Variants in GOLM1 observed in about 807,000 individuals in gnomAD.
GOLM1 encodes the protein epididymis luminal protein 46.
GOLM1 carries 31 observed loss-of-function variants against 50.5 expected under a neutral mutation model. That is an observed-to-expected ratio of 0.61 (90% CI 0.46 to 0.83). The LOEUF (loss-of-function observed/expected upper bound fraction) is 0.83, where lower values mean the gene tolerates loss of function less well. Ranked by LOEUF, GOLM1 falls within the 40% of genes least tolerant of loss-of-function variation. The pLI, the probability that GOLM1 is intolerant of heterozygous loss-of-function variation, is 0.00. For synonymous variants in GOLM1, 178 were observed against 192.8 expected, an observed-to-expected ratio of 0.92 and a Z score of 0.64; for missense variants, 491 against 501.3, an observed-to-expected ratio of 0.98 and a Z score of 0.20.
intron 3 of GOLM1, among the ~76,000 whole-genome samples, chr9:86,070,088 T>G (rs1834404786): frequency 6.6e-6 from 1 of 151,848 alleles, no homozygotes; most frequent in Non-Finnish European, 1.5e-5. Context: ...TTTCACCATG[T>G]TGGCGAGGCT....
intron 4 of GOLM1, among the ~76,000 whole-genome samples, chr9:86,048,509 A>G (rs917904052): frequency 3.3e-5 from 5 of 152,076 alleles, no homozygotes; most frequent in African/African-American, 4.8e-5. Context: ...AAGCATTCCT[A>G]TTTCTCCACA....
chr9:86,039,679 C>T (rs1833268035), intron 6 of GOLM1, among the ~76,000 whole-genome samples: 1 of 152,056 alleles, frequency 6.6e-6, no homozygotes, highest in African/African-American at 2.4e-5. Context: ...GTCAAAGATA[C>T]CAGACAGTCC....
intron 1 of GOLM1, among the ~76,000 whole-genome samples, chr9:86,094,311 T>G (rs1835284766): frequency 6.6e-6 from 1 of 152,164 alleles, no homozygotes; most frequent in African/African-American, 2.4e-5. Flanking sequence ...GATTAAACAT[T>G]TACCATCTGA....
At chr9:86,097,455 ATTTTT>A (rs879761880) in intron 1 of GOLM1, among the ~76,000 whole-genome samples, 3 of 150,002 alleles carry the variant, frequency 2.0e-5, no homozygotes, top group Non-Finnish European at 3.0e-5. Flanking sequence ...AGGGCAACTT[ATTTTT>A]TTTTTATTTC....
At chr9:86,075,371 C>T (rs1045219890) in intron 3 of GOLM1, among the ~76,000 whole-genome samples, 1 of 152,244 alleles carries the variant, frequency 6.6e-6, no homozygotes, top group Non-Finnish European at 1.5e-5. Context: ...GCCTCGACTG[C>T]CGTTGGTACA....
intron 6 of GOLM1, among the ~76,000 whole-genome samples, chr9:86,038,276 T>G (rs1467786258): frequency 6.6e-6 from 1 of 152,102 alleles, no homozygotes; most frequent in Non-Finnish European, 1.5e-5. Context: ...AGAAAGGCTC[T>G]CAGTGAACAT....
chr9:86,081,923 C>T (rs934163720), intron 1 of GOLM1, among the ~76,000 whole-genome samples: 1 of 151,608 alleles, frequency 6.6e-6, no homozygotes, highest in Admixed American at 6.6e-5. Context: ...ATTACATCCC[C>T]CTCATCCTAC....
At chr9:86,077,621 T>TG (rs772832468) in intron 2 of GOLM1, 30 bp from the exon 3 acceptor site, 1 of 1,575,518 alleles carries the variant, frequency 6.3e-7, no homozygotes, top group African/African-American at 1.3e-5. Flanking sequence ...TTAGGGCTGA[T>TG]GCCAAGTTAC....
intron 1 of GOLM1, among the ~76,000 whole-genome samples, chr9:86,093,804 G>C (rs1255746125): frequency 6.6e-6 from 1 of 152,126 alleles, no homozygotes; most frequent in Non-Finnish European, 1.5e-5. Context: ...CAAATATTAT[G>C]TTTAACATTT....
chr9:86,090,601 G>A (rs1321143928), intron 1 of GOLM1, among the ~76,000 whole-genome samples: 5 of 151,950 alleles, frequency 3.3e-5, no homozygotes, highest in Non-Finnish European at 7.4e-5. Flanking sequence ...CCAAGCTCGA[G>A]CATCCCGGGG....
chr9:86,075,156 A>G (rs1367805020), intron 3 of GOLM1, among the ~76,000 whole-genome samples: 1 of 152,196 alleles, frequency 6.6e-6, no homozygotes, highest in Non-Finnish European at 1.5e-5. Flanking sequence ...CCCTCACCAG[A>G]TGAATCTGCC....
rs146736292 is a variant in GOLM1 at position 86,086,280 on chromosome 9, G to A, written c.-21-6939C>T. 8.3e-3 allele frequency among the ~76,000 whole-genome samples: 1,257 copies of A among 152,222 alleles called. 22 individuals are homozygous for A. The highest frequency in any genetic ancestry group is 0.028 in the African/African-American group (1,158 of 41,536). On this transcript the variant is annotated intron_variant, in intron 1 of 9. Transcript: ENST00000388712. ...CTGCATAAATGTCTTCTTTTGAGAAGTCTCTGTTCATATCCTTCGCCCAGT... is the reference window on the plus strand; with the variant it reads ...CTGCATAAATGTCTTCTTTTGAGAAATCTCTGTTCATATCCTTCGCCCAGT...
At chr9:86,061,067 A>G (rs1296856158) in intron 3 of GOLM1, among the ~76,000 whole-genome samples, 6 of 152,020 alleles carry the variant, frequency 3.9e-5, no homozygotes. Context: ...TGAAATAGTC[A>G]TGGTTAAAAC....
chr9:86,085,066 C>T (rs912678541), intron 1 of GOLM1: 2 of 151,800 alleles, frequency 1.3e-5, no homozygotes, highest in Non-Finnish European at 2.9e-5. Flanking sequence ...AACAAAAAGA[C>T]AGTTAGGCCT....
At chr9:86,098,916 C>T (rs971384125) in intron 1 of GOLM1, among the ~76,000 whole-genome samples, 10 of 152,156 alleles carry the variant, frequency 6.6e-5, no homozygotes, top group Admixed American at 6.5e-4. Context: ...GACCCCAGGG[C>T]GGCCGGAGCG....
chr9:86,061,412 CTT>C (rs1282639750), intron 3 of GOLM1, among the ~76,000 whole-genome samples: 1 of 152,146 alleles, frequency 6.6e-6, no homozygotes, highest in Non-Finnish European at 1.5e-5. Context: ...AAGCAATTTT[CTT>C]TTCATAGTAT....
chr9:86,092,311 G>GTGA (rs1288865390), intron 1 of GOLM1, among the ~76,000 whole-genome samples: 2 of 152,228 alleles, frequency 1.3e-5, no homozygotes, highest in Non-Finnish European at 2.9e-5. Flanking sequence ...TGAGGAAACA[G>GTGA]TGATGCATGT....
At chr9:86,065,629 C>T (rs931784997) in intron 3 of GOLM1, among the ~76,000 whole-genome samples, 1 of 152,172 alleles carries the variant, frequency 6.6e-6, no homozygotes, top group African/African-American at 2.4e-5. Context: ...GGCAGCCCCA[C>T]GCCGGCCACT....
intron 3 of GOLM1, among the ~76,000 whole-genome samples, chr9:86,074,008 C>A (rs1006863607): frequency 6.6e-6 from 1 of 152,066 alleles, no homozygotes; most frequent in Admixed American, 6.5e-5. Context: ...CAGCCCCCAA[C>A]TTGAGGGATA....
Sources: gnomAD v4.1 joint callset for allele counts (sites outside exome capture counted in the v4.1 genomes callset) on GRCh38, gnomAD v4.1.1 for gene constraint, MANE v1.5 for transcripts, NCBI Gene and HGNC (gene_info 2026-07-23, HGNC 2026-07-21) for gene names.